Variants in KCNQ1 observed in about 807,000 individuals in gnomAD.
KCNQ1 encodes potassium voltage-gated channel subfamily KQT member 1.
In KCNQ1, 49 loss-of-function variants were observed where a neutral mutation model predicts 72.4. The observed-to-expected ratio is 0.68, with a 90% CI of 0.54 to 0.86. The LOEUF is 0.86. Among genes scored for constraint, KCNQ1 ranks in the 40% least tolerant of loss-of-function variants. KCNQ1 has a pLI of 0.00. For synonymous variants in KCNQ1, 450 were observed against 412.6 expected, an observed-to-expected ratio of 1.09 and a Z score of -1.10; for missense variants, 790 against 945.1, an observed-to-expected ratio of 0.84 and a Z score of 2.15.
At chr11:2,778,482 G>T (rs965776749) in intron 15 of KCNQ1, among the ~76,000 whole-genome samples, 3 of 152,196 alleles carry the variant, frequency 2.0e-5, no homozygotes, top group African/African-American at 7.2e-5. Context: ...GAGGTGCAGG[G>T]CCCAGCTGGG....
intron 1 of KCNQ1, among the ~76,000 whole-genome samples, chr11:2,453,645 A>G (rs923848690): frequency 3.9e-5 from 6 of 152,150 alleles, no homozygotes; most frequent in African/African-American, 1.4e-4. Context: ...ATCCTTTGGC[A>G]TTTGCTGGTA....
rs1385652345 is a variant in KCNQ1, at chr11:2,612,897, CATTT to C, written c.1393+24048_1393+24051del. 1.0e-5 allele frequency: 4 copies of C among 398,402 alleles called. No individual in the cohort carries two copies. The highest frequency in any genetic ancestry group is 6.2e-5 in the African/African-American group (3 of 48,600). 24.7% of individuals were successfully genotyped at this position (398,402 alleles called of 1,614,324 possible). On this transcript the variant is annotated intron_variant, in intron 10 of 15. Coordinates refer to ENST00000155840, the MANE Select transcript of KCNQ1 (RefSeq NM_000218.3). This position sits in a 1 kb window ranked among gnomAD's most constrained non-coding sequence, Gnocchi z 5.5. Reference sequence around the variant, plus strand: ...CTAACCAGGGATGATTTCTGTTACTCATTTATTTGTTTGCTCGCTTGTGTATGCC... The same window carrying C: ...CTAACCAGGGATGATTTCTGTTACTCATTTGTTTGCTCGCTTGTGTATGCC...
chr11:2,523,751 G>GTTTTTTTTT (rs59766245), intron 1 of KCNQ1, among the ~76,000 whole-genome samples: 1,480 of 115,002 alleles, frequency 0.013, 79 homozygotes, highest in African/African-American at 0.047. Flanking sequence ...GAAGTTTACA[G>GTTTTTTTTT]TTTTTTTTTT....
At chr11:2,846,724 G>T (rs79620551) in intron 15 of KCNQ1, among the ~76,000 whole-genome samples, 1 of 152,358 alleles carries the variant, frequency 6.6e-6, no homozygotes, top group African/African-American at 2.4e-5. Context: ...CACCCGGGGC[G>T]GGCTCCAGCC....
rs1212567672 is a variant in KCNQ1, at chr11:2,769,365, T to C, written c.1590+446T>C. The stretch of plus-strand genomic sequence containing the variant: ...GTCCTCCACTGGCTCAGTGCTCTCA[T>C]TCCCTGCTCCTCCACCCTCTGTGAG... On this transcript the variant is annotated intron_variant, in intron 12 of 15. Coordinates refer to ENST00000155840, the MANE Select transcript of KCNQ1 (RefSeq NM_000218.3). This position sits in a 1 kb window ranked among gnomAD's most constrained non-coding sequence, Gnocchi z 4.6. Among the ~76,000 whole-genome samples the C allele has an allele frequency of 6.6e-6, 1 of 152,080 alleles. No homozygotes were observed. The highest frequency in any genetic ancestry group is 1.5e-5 in the Non-Finnish European group (1 of 67,990).
At chr11:2,472,605 G>A (rs1846503633) in intron 1 of KCNQ1, among the ~76,000 whole-genome samples, 1 of 152,010 alleles carries the variant, frequency 6.6e-6, no homozygotes, top group African/African-American at 2.4e-5. Flanking sequence ...CAGAGCGTCT[G>A]GGAGGGGTGT....
At chr11:2,619,086 G>A in intron 10 of KCNQ1, 4 of 398,272 alleles carry the variant, frequency 1.0e-5, no homozygotes, top group South Asian at 1.3e-4. Flanking sequence ...CAGAGTCTTC[G>A]GGGTTTTCTA....
Position 2,759,802 on chromosome 11 carries a change from C to T in KCNQ1, c.1515-9042C>T, listed in dbSNP as rs901948980. 1.1e-4 allele frequency among the ~76,000 whole-genome samples: 16 copies of T among 152,094 alleles called. No individual in the cohort carries two copies. Among genetic ancestry groups the T allele is most frequent in the Non-Finnish European group, 2.1e-4 (14 of 67,976 alleles). On this transcript the variant is annotated intron_variant, in intron 11 of 15. Transcript: ENST00000155840. The surrounding 1 kb of genome is among the most constrained non-coding windows in gnomAD (Gnocchi z 4.4). Reference sequence around the variant, plus strand: ...GGGAGGGGCTGAAGGCTCAGGGACACAGGTGAGGCCAGCCCCTCCTCCACC... The same window carrying T: ...GGGAGGGGCTGAAGGCTCAGGGACATAGGTGAGGCCAGCCCCTCCTCCACC...
At chr11:2,480,488 T>A (rs1466386957) in intron 1 of KCNQ1, among the ~76,000 whole-genome samples, 1 of 152,080 alleles carries the variant, frequency 6.6e-6, no homozygotes, top group East Asian at 1.9e-4. Flanking sequence ...AACCATCAGA[T>A]CTCATGAGAC....
At chr11:2,583,975 C>T (rs1848545009) in intron 7 of KCNQ1, among the ~76,000 whole-genome samples, 1 of 152,034 alleles carries the variant, frequency 6.6e-6, no homozygotes, top group African/African-American at 2.4e-5. Context: ...GTTCACAATG[C>T]CTGTATGTGG....
intron 11 of KCNQ1, chr11:2,665,675 G>A (rs533811797): frequency 1.5e-4 from 58 of 397,676 alleles, no homozygotes; most frequent in African/African-American, 1.1e-3. Flanking sequence ...TAAGCCTTTC[G>A]AATGGTGCCA....
chr11:2,560,545 G>T, intron 2 of KCNQ1, among the ~76,000 whole-genome samples: 1 of 135,354 alleles, frequency 7.4e-6, no homozygotes, highest in East Asian at 2.5e-4. Context: ...GGGGGCGGGG[G>T]GGGGTGACGT....
At chr11:2,765,177 A>C (rs551515266) in intron 11 of KCNQ1, among the ~76,000 whole-genome samples, 1 of 152,350 alleles carries the variant, frequency 6.6e-6, no homozygotes, top group East Asian at 1.9e-4. Flanking sequence ...CTATTTGGCT[A>C]TGAATTTTAA....
At chr11:2,568,177 G>A (rs1460273513) in intron 2 of KCNQ1, among the ~76,000 whole-genome samples, 2 of 152,166 alleles carry the variant, frequency 1.3e-5, no homozygotes, top group Non-Finnish European at 2.9e-5. Context: ...GGAGGCTGAG[G>A]CAGGAGAATT....
intron 15 of KCNQ1, among the ~76,000 whole-genome samples, chr11:2,820,732 G>A (rs962603746): frequency 6.6e-6 from 1 of 152,186 alleles, no homozygotes; most frequent in African/African-American, 2.4e-5. Flanking sequence ...CTGGGCACAT[G>A]TGTCCTCTCC....
At position 2,450,793 on chromosome 11, in the gene KCNQ1, G is replaced by A. The variant is rs571329193; in HGVS notation, c.386+5309G>A. ...CTGGCTGGGTGACCACAGGGATGCC[G>A]CGTGACCCTAGTCCAGGGGGCCGCT... is the stretch of plus-strand genomic sequence containing the variant. On this transcript the variant is annotated intron_variant, in intron 1 of 15. Transcript: ENST00000155840. This position sits in a 1 kb window ranked among gnomAD's most constrained non-coding sequence, Gnocchi z 7.9. Among the ~76,000 whole-genome samples the A allele has an allele frequency of 7.9e-5, 12 of 152,296 alleles. No homozygotes were observed. The highest frequency in any genetic ancestry group is 2.6e-4 in the African/African-American group (11 of 41,548).
intron 2 of KCNQ1, among the ~76,000 whole-genome samples, chr11:2,560,969 G>A (rs897384861): frequency 1.3e-5 from 2 of 151,962 alleles, no homozygotes; most frequent in Admixed American, 6.5e-5. Context: ...TTGGGAGGCC[G>A]AGGCGGGCGG....
In KCNQ1 at chr11:2,588,785, C is replaced by G. The variant is rs72549409; in HGVS notation, c.1324C>G (p.His442Asp). ...TGGAGAGAAGATGCTCACAGTCCCCCATATCACGTGCGACCCCCCAGAAGA... is the reference window on the plus strand; with the variant it reads ...TGGAGAGAAGATGCTCACAGTCCCCGATATCACGTGCGACCCCCCAGAAGA... ...TPGEKMLTVP[H>D]ITCDPPEERR... Residue 442 changes from histidine (H) to aspartate (D), a missense_variant, in exon 10 of 16, where the codon CAT becomes GAT. By Grantham distance (81) the His-to-Asp change is moderately conservative (BLOSUM62 -1). Transcript: ENST00000155840. This position sits in a 1 kb window ranked among gnomAD's most constrained non-coding sequence, Gnocchi z 5.6. 1 of 1,613,464 alleles carries G rather than the reference C, an allele frequency of 6.2e-7. No homozygotes were observed. The highest frequency in any genetic ancestry group is 1.1e-5 in the South Asian group (1 of 91,002).
At chr11:2,793,644 A>AT (rs947018265) in intron 15 of KCNQ1, among the ~76,000 whole-genome samples, 42 of 150,020 alleles carry the variant, frequency 2.8e-4, no homozygotes, top group East Asian at 1.4e-3. Flanking sequence ...AGTAAGAAGT[A>AT]TTTTTTTTTT....
Sources: gnomAD v4.1 joint callset for allele counts (sites outside exome capture counted in the v4.1 genomes callset) on GRCh38, gnomAD v4.1.1 for gene constraint, Gnocchi (gnomAD v3.1) non-coding constraint, MANE v1.5 for transcripts, NCBI Gene and HGNC (gene_info 2026-07-23, HGNC 2026-07-21) for gene names.